The following CTNNA2 variants were observed in gnomAD, a reference collection of about 807,000 sequenced individuals.
CTNNA2 encodes the protein catenin alpha-2.
Under a neutral mutation model 101.0 loss-of-function variants are expected in CTNNA2, and 42 were observed. The ratio of observed to expected loss-of-function variants is 0.42; its 90% CI spans 0.32 to 0.54. The LOEUF (loss-of-function observed/expected upper bound fraction) is 0.54, where lower values mean the gene tolerates loss of function less well. Ranked by LOEUF, CTNNA2 falls within the 20% of genes least tolerant of loss-of-function variation. The pLI, the probability that CTNNA2 is intolerant of heterozygous loss-of-function variation, is 0.14. For synonymous variants in CTNNA2, 450 were observed against 456.4 expected (o/e 0.99, Z 0.18); for missense variants, 871 against 1,223.1 (o/e 0.71, Z 4.29).
At chr2:80,543,433 G>A (rs1463069414) in intron 9 of CTNNA2, among the ~76,000 whole-genome samples, 2 of 152,070 alleles carry the variant, frequency 1.3e-5, no homozygotes, top group Non-Finnish European at 2.9e-5. Context: ...TAAACTATAA[G>A]AAATTAAATG....
chr2:79,306,354 T>A (rs906314098), intron 2 of CTNNA2, among the ~76,000 whole-genome samples: 4 of 152,160 alleles, frequency 2.6e-5, no homozygotes, highest in Non-Finnish European at 5.9e-5. Flanking sequence ...TAAATAGATG[T>A]TGTGTTGTCA....
intron 1 of CTNNA2, among the ~76,000 whole-genome samples, chr2:79,533,736 T>G (rs10520245): frequency 0.077 from 11,747 of 152,202 alleles, 623 homozygotes; most frequent in Non-Finnish European, 0.11. Context: ...ATAGGTAAAC[T>G]TGGGAAACGA....
intron 1 of CTNNA2, among the ~76,000 whole-genome samples, chr2:79,532,623 A>G (rs984939698): frequency 3.3e-5 from 5 of 152,050 alleles, no homozygotes; most frequent in Non-Finnish European, 7.4e-5. Context: ...GTATTTTTGA[A>G]TGACATATTT....
chr2:79,533,779 T>C (rs1282774075), intron 1 of CTNNA2, among the ~76,000 whole-genome samples: 1 of 146,906 alleles, frequency 6.8e-6, no homozygotes, highest in East Asian at 1.9e-4. Context: ...TGTCTGAGAG[T>C]TTCTGCCATT....
At chr2:80,631,548 T>A (rs1392189669) in intron 18 of CTNNA2, among the ~76,000 whole-genome samples, 1 of 152,068 alleles carries the variant, frequency 6.6e-6, no homozygotes, top group East Asian at 1.9e-4. Context: ...AGTTTTAGAT[T>A]GAAGGGAACC....
chr2:79,997,158 C>T (rs1692607961), intron 7 of CTNNA2, among the ~76,000 whole-genome samples: 1 of 152,156 alleles, frequency 6.6e-6, no homozygotes, highest in African/African-American at 2.4e-5. Context: ...TCTCTGCTAA[C>T]ACCCTGGTCT....
intron 9 of CTNNA2, among the ~76,000 whole-genome samples, chr2:80,506,150 C>A (rs1206423977): frequency 6.6e-6 from 1 of 152,164 alleles, no homozygotes; most frequent in African/African-American, 2.4e-5. Context: ...AGCGTGGAAG[C>A]ATCAGTGGTT....
intron 7 of CTNNA2, among the ~76,000 whole-genome samples, chr2:80,272,563 T>C (rs1673584598): frequency 6.6e-6 from 1 of 152,172 alleles, no homozygotes; most frequent in South Asian, 2.1e-4. Flanking sequence ...CAGGGAAAAC[T>C]ACATTCTCTC....
At chr2:80,538,120 T>C (rs1484531019) in intron 9 of CTNNA2, among the ~76,000 whole-genome samples, 1 of 151,772 alleles carries the variant, frequency 6.6e-6, no homozygotes, top group Non-Finnish European at 1.5e-5. Flanking sequence ...TTCTGGAAAT[T>C]AGATCTTTGT....
intron 7 of CTNNA2, among the ~76,000 whole-genome samples, chr2:80,109,136 T>TTA (rs1319569337): frequency 6.6e-6 from 1 of 152,186 alleles, no homozygotes; most frequent in Admixed American, 6.5e-5. Flanking sequence ...AGTGTTTTAT[T>TTA]TGCACTGTCA....
At chr2:79,678,586 C>G (rs958828884) in intron 2 of CTNNA2, among the ~76,000 whole-genome samples, 13 of 151,880 alleles carry the variant, frequency 8.6e-5, no homozygotes, top group African/African-American at 2.9e-4. Flanking sequence ...ATAGTTTCTT[C>G]CTTTGACCCC....
intron 4 of CTNNA2, among the ~76,000 whole-genome samples, chr2:79,407,434 A>C (rs1020071478): frequency 6.6e-6 from 1 of 151,874 alleles, no homozygotes; most frequent in Non-Finnish European, 1.5e-5. Context: ...CACAGATCTT[A>C]TTTTCTGGTT....
rs563838780 is a variant in CTNNA2, at chr2:80,337,538, A to G, written c.1057-55673A>G. 5.9e-4 allele frequency among the ~76,000 whole-genome samples: 87 copies of G among 146,926 alleles called. 1 individual carries two copies. The South Asian group carries it at 0.019, about 32-fold the overall frequency. On this transcript the variant is annotated intron_variant, in intron 7 of 18. Coordinates refer to ENST00000402739, the MANE Select transcript of CTNNA2 (RefSeq NM_001282597.3). ...TAGAGCAGTTTTGAGAGGCAGATGC[A>G]GAAGAACGATACTCCACACTCCCTT...
Position 80,330,828 on chromosome 2 carries a change from G to C in CTNNA2, c.1057-62383G>C, listed in dbSNP as rs1335397536. Among the ~76,000 whole-genome samples, 5 of 152,248 alleles carry C rather than the reference G, an allele frequency of 3.3e-5. No homozygotes were observed. In the East Asian group the frequency reaches 7.7e-4, roughly 24 times the overall value. On this transcript the variant is annotated intron_variant, in intron 7 of 18. Coordinates refer to ENST00000402739, the MANE Select transcript of CTNNA2 (RefSeq NM_001282597.3). ...CTCCAGGCTAGAATTTTCCCCCGGG[G>C]TCAGTAATGAGTTTAGAGGAATGGA...
chr2:79,609,935 C>G (rs1678155105), intron 1 of CTNNA2, among the ~76,000 whole-genome samples: 1 of 151,988 alleles, frequency 6.6e-6, no homozygotes. Flanking sequence ...TGAGCTTCAT[C>G]AAAAGTAAAA....
At chr2:80,110,793 GA>G (rs1405125454) in intron 7 of CTNNA2, among the ~76,000 whole-genome samples, 1 of 152,324 alleles carries the variant, frequency 6.6e-6, no homozygotes, top group Admixed American at 6.5e-5. Context: ...GATATTAACT[GA>G]AACATCTTAG....
At chr2:79,497,072 C>T (rs1032268705) in intron 4 of CTNNA2, among the ~76,000 whole-genome samples, 12 of 152,310 alleles carry the variant, frequency 7.9e-5, no homozygotes, top group African/African-American at 2.6e-4. Flanking sequence ...TAGTTGTCAA[C>T]ATTTTAAAAT....
At chr2:79,731,277 T>C (rs1030133594) in intron 2 of CTNNA2, among the ~76,000 whole-genome samples, 5 of 152,082 alleles carry the variant, frequency 3.3e-5, no homozygotes, top group East Asian at 1.9e-4. Context: ...AACGATGATT[T>C]TGATGATTTT....
At chr2:80,543,142 ACAC>A (rs1691727374) in intron 9 of CTNNA2, among the ~76,000 whole-genome samples, 1 of 152,236 alleles carries the variant, frequency 6.6e-6, no homozygotes. Context: ...CATGTACAAA[ACAC>A]CAATTCTGTG....
Sources: gnomAD v4.1 joint callset for allele counts (sites outside exome capture counted in the v4.1 genomes callset) on GRCh38, gnomAD v4.1.1 for gene constraint, MANE v1.5 for transcripts, NCBI Gene and HGNC (gene_info 2026-07-23, HGNC 2026-07-21) for gene names.